The following MRPS12 variants were observed in gnomAD, a reference collection of about 807,000 sequenced individuals.
MRPS12 encodes mitochondrial ribosomal protein S12.
Under a neutral mutation model 8.4 loss-of-function variants are expected in MRPS12, and 7 were observed. The observed-to-expected ratio is 0.83, with a 90% CI of 0.47 to 1.56. MRPS12 has a LOEUF of 1.56. Ranked by LOEUF, MRPS12 falls within the 40% of genes most tolerant of loss-of-function variation. The probability of loss-of-function intolerance (pLI) is 0.01; values close to 1 mark genes in which losing one functional copy is unlikely to be tolerated. For synonymous variants in MRPS12, 84 were observed against 84.1 expected (o/e 1.00, Z 0.01); for missense variants, 200 against 194.1 (o/e 1.03, Z -0.18).
chr19:38,932,490 G>A lies in MRPS12; in HGVS notation c.207G>A (p.Lys69=). Residue 69 remains lysine (K), a synonymous_variant, in exon 3 of 3, where the codon AAG becomes AAA. Transcript: ENST00000308018. ...KGVVLCTFTR[K]PKKPNSANRK... ...TGGTCCTGTGCACGTTTACCCGCAA[G>A]CCGAAGAAGCCCAACTCAGCCAATC... The A allele has an allele frequency of 6.2e-7, 1 of 1,613,244 alleles. No homozygotes were observed. The highest frequency in any genetic ancestry group is 1.3e-5 in the African/African-American group (1 of 75,046).
In MRPS12 at chr19:38,932,530, G is replaced by A. The variant is rs1354676962; in HGVS notation, c.247G>A (p.Val83Met). 2.5e-6 allele frequency: 4 copies of A among 1,613,046 alleles called. No individual in the cohort carries two copies. In the South Asian group the frequency reaches 3.3e-5, roughly 13 times the overall value. The change falls in exon 3 of 3, where the codon GTG becomes ATG. Residue 83 changes from valine to methionine, a missense_variant. Physicochemically the swap from Val to Met is conservative, Grantham distance 21. Coordinates refer to ENST00000308018, the MANE Select transcript of MRPS12 (RefSeq NM_033362.4). Reference protein sequence around the residue: ...PNSANRKCCRVRLSTGREAVC... With the variant: ...PNSANRKCCRMRLSTGREAVC... ...CTCAGCCAATCGCAAGTGCTGTCGA[G>A]TGCGGCTCAGCACTGGCCGCGAGGC...
chr19:38,931,570 C>T (rs1435491963), intron 2 of MRPS12: 22 of 392,450 alleles, frequency 5.6e-5, no homozygotes, highest in Non-Finnish European at 4.6e-6. Context: ...TATTTAAGAT[C>T]TCCCTCTGTC....
rs1291581879 is a variant in MRPS12, at chr19:38,932,890, C to G, written c.*190C>G. On this transcript the variant is annotated 3_prime_UTR_variant, in exon 3 of 3. Coordinates refer to ENST00000308018, the MANE Select transcript of MRPS12 (RefSeq NM_033362.4). ...AGTCCTGGGGGTGCAAAGGGTGCCC[C>G]TCTGTCAACACCCTTGGCTCCTGTG... The G allele has an allele frequency of 1.3e-6, 1 of 778,938 alleles. No individual in the cohort carries two copies. Among genetic ancestry groups the G allele is most frequent in the Non-Finnish European group, 2.0e-6 (1 of 503,188 alleles). The allele number at this position is 778,938 out of a possible 1,614,324, so 48.3% of individuals were successfully genotyped here.
rs1974793363 is a variant in MRPS12 at position 38,933,149 on chromosome 19, C to T, written c.*449C>T. On this transcript the variant is annotated 3_prime_UTR_variant, in exon 3 of 3. Coordinates refer to ENST00000308018, the MANE Select transcript of MRPS12 (RefSeq NM_033362.4). ...GGTTTGGTGAAGATTAAATTCGATGCTCTATGTGCATAACACGCACGGAGG... is the reference window on the plus strand; with the variant it reads ...GGTTTGGTGAAGATTAAATTCGATGTTCTATGTGCATAACACGCACGGAGG... 1 of 163,288 alleles carries T rather than the reference C, an allele frequency of 6.1e-6. No homozygotes were observed. The highest frequency in any genetic ancestry group is 1.3e-5 in the Non-Finnish European group (1 of 74,336). 10.1% of individuals were successfully genotyped at this position (163,288 alleles called of 1,614,324 possible).
Position 38,930,956 on chromosome 19 carries a change from C to T in MRPS12, c.-62C>T. ...GATAGCGCCCGGAAGAGGCTAGAAGCTGGATTCAGCGTGTCCGCGACCTCA... is the reference window on the plus strand; with the variant it reads ...GATAGCGCCCGGAAGAGGCTAGAAGTTGGATTCAGCGTGTCCGCGACCTCA... On this transcript the variant is annotated 5_prime_UTR_variant, in exon 1 of 3. Transcript: ENST00000308018. 1 of 629,216 alleles carries T rather than the reference C, an allele frequency of 1.6e-6. No individual in the cohort carries two copies. The highest frequency in any genetic ancestry group is 2.8e-6 in the Non-Finnish European group (1 of 359,816). 39.0% of individuals were successfully genotyped at this position (629,216 alleles called of 1,614,324 possible). A position where few individuals can be genotyped will look rare whatever the true frequency, so the allele number is the denominator to read the frequency against.
At position 38,930,975 on chromosome 19, in the gene MRPS12, G is replaced by A. The variant is rs752903214; in HGVS notation, c.-43G>A. ...TAGAAGCTGGATTCAGCGTGTCCGC[G>A]ACCTCACCTTTAGGTCCTGTGAGGT... On this transcript the variant is annotated 5_prime_UTR_variant, in exon 1 of 3. Coordinates refer to ENST00000308018, the MANE Select transcript of MRPS12 (RefSeq NM_033362.4). The A allele has an allele frequency of 9.8e-6, 6 of 610,700 alleles. No individual in the cohort carries two copies. The highest frequency in any genetic ancestry group is 2.8e-5 in the East Asian group (1 of 36,140). 37.8% of individuals were successfully genotyped at this position (610,700 alleles called of 1,614,324 possible). A position where few individuals can be genotyped will look rare whatever the true frequency, so the allele number is the denominator to read the frequency against.
intron 1 of MRPS12, 56 bp from the exon 2 acceptor site, chr19:38,931,220 C>A: frequency 7.3e-7 from 1 of 1,366,516 alleles, no homozygotes; most frequent in East Asian, 2.4e-5. Flanking sequence ...GATCGGGGAG[C>A]ATTTGCGGAT....
chr19:38,932,151 A>G (rs1974764597), intron 2 of MRPS12, among the ~76,000 whole-genome samples, 182 bp from the exon 3 acceptor site: 2 of 151,004 alleles, frequency 1.3e-5, no homozygotes, highest in Admixed American at 6.6e-5. Context: ...AAAAAAAGAA[A>G]AAAAAAAAAA....
Position 38,932,642 on chromosome 19 carries a change from G to C in MRPS12, c.359G>C (p.Gly120Ala). The change falls in exon 3 of 3, where the codon GGC becomes GCC. Residue 120 changes from glycine to alanine, a missense_variant. Transcript: ENST00000308018. ...GGCGGCCGCACCCAGGACCTGCCAG[G>C]CGTCAAGCTCACCGTTGTGCGTGGC... ...VEGGRTQDLP[G>A]VKLTVVRGKY... 3.1e-6 allele frequency: 5 copies of C among 1,613,794 alleles called. No individual in the cohort carries two copies. The highest frequency in any genetic ancestry group is 4.2e-6 in the Non-Finnish European group (5 of 1,180,014).
At chr19:38,931,783 C>T (rs1268193054) in intron 2 of MRPS12, 2 of 158,922 alleles carry the variant, frequency 1.3e-5, no homozygotes, top group East Asian at 1.8e-4. Flanking sequence ...CTCAAGTGAC[C>T]CTCCACAGCC....
chr19:38,932,135 CAA>C (rs1291386606), intron 2 of MRPS12, among the ~76,000 whole-genome samples, 196 bp from the exon 3 acceptor site: 1 of 59,202 alleles, frequency 1.7e-5, no homozygotes. Flanking sequence ...GACTTTGTCT[CAA>C]AAAAAAAAAA....
intron 2 of MRPS12, among the ~76,000 whole-genome samples, 185 bp from the exon 3 acceptor site, chr19:38,932,148 G>GAA (rs369390554): frequency 9.0e-6 from 1 of 111,322 alleles, no homozygotes; most frequent in Non-Finnish European, 2.0e-5. Context: ...AAAAAAAAAA[G>GAA]AAAAAAAAAA....
rs762285606 is a variant in MRPS12, at chr19:38,932,370, C to T, written c.87C>T (p.Ser29=). 4.5e-6 allele frequency: 7 copies of T among 1,570,664 alleles called. No homozygotes were observed. The highest frequency in any genetic ancestry group is 5.2e-6 in the Non-Finnish European group (6 of 1,155,994). The change falls in exon 3 of 3, where the codon TCC becomes TCT. Residue 29 remains serine, a synonymous_variant. Coordinates refer to ENST00000308018, the MANE Select transcript of MRPS12 (RefSeq NM_033362.4). ...ALVPRLWATC[S]MATLNQMHRL... ...TTCCCCGGCTCTGGGCTACCTGCTC[C>T]ATGGCTACCCTGAACCAGATGCACC...
At chr19:38,931,663 TC>T (rs1974753192) in intron 2 of MRPS12, 3 of 222,348 alleles carry the variant, frequency 1.3e-5, no homozygotes, top group African/African-American at 4.6e-5. Flanking sequence ...CGCCTCAGCC[TC>T]CCAAGTAGCT....
Position 38,933,021 on chromosome 19 carries a change from T to G in MRPS12, c.*321T>G, listed in dbSNP as rs1974792010. 6.7e-6 allele frequency: 2 copies of G among 300,000 alleles called. No individual in the cohort carries two copies. Among genetic ancestry groups the G allele is most frequent in the Non-Finnish European group, 1.3e-5 (2 of 158,518 alleles). The allele number at this position is 300,000 out of a possible 1,614,324, so 18.6% of individuals were successfully genotyped here. A position where few individuals can be genotyped will look rare whatever the true frequency, so the allele number is the denominator to read the frequency against. On this transcript the variant is annotated 3_prime_UTR_variant, in exon 3 of 3. Coordinates refer to ENST00000308018, the MANE Select transcript of MRPS12 (RefSeq NM_033362.4). Reference sequence around the variant, plus strand: ...CAGACCCTGGCGCTTGTGATGTAAATCCCCTTGTGGAGTATTTGCCCTCTG... The same window carrying G: ...CAGACCCTGGCGCTTGTGATGTAAAGCCCCTTGTGGAGTATTTGCCCTCTG...
chr19:38,931,251 C>A, intron 1 of MRPS12, 25 bp from the exon 2 acceptor site: 1 of 1,545,518 alleles, frequency 6.5e-7, no homozygotes, highest in Non-Finnish European at 8.7e-7. Context: ...TTCCTCCTTT[C>A]TGAGTCTCTT....
chr19:38,932,739 A>G lies in MRPS12; in HGVS notation c.*39A>G, dbSNP rs1974786150. On this transcript the variant is annotated 3_prime_UTR_variant, in exon 3 of 3. Coordinates refer to ENST00000308018, the MANE Select transcript of MRPS12 (RefSeq NM_033362.4). ...AGTGGGCTGGGCGCCCCTGCAGAAC[A>G]TGAACCTTCCGCTCCTGGCTGCCAC... The G allele has an allele frequency of 2.5e-6, 4 of 1,595,046 alleles. No homozygotes were observed. The highest frequency in any genetic ancestry group is 1.3e-5 in the African/African-American group (1 of 74,688).
chr19:38,932,711 C>T lies in MRPS12; in HGVS notation c.*11C>T. 6.2e-7 allele frequency: 1 copy of T among 1,610,360 alleles called. No homozygotes were observed. The highest frequency in any genetic ancestry group is 8.5e-7 in the Non-Finnish European group (1 of 1,179,302). ...GTGCAGAAGAAGTGACGGCTGGGGG[C>T]ACAGTGGGCTGGGCGCCCCTGCAGA... On this transcript the variant is annotated 3_prime_UTR_variant, in exon 3 of 3. Transcript: ENST00000308018.
chr19:38,932,198 G>A, intron 2 of MRPS12, 135 bp from the exon 3 acceptor site: 1 of 676,690 alleles, frequency 1.5e-6, no homozygotes, highest in Non-Finnish European at 2.2e-6. Flanking sequence ...AGTTACTTTT[G>A]TCTGTAGATA....
Sources: gnomAD v4.1 joint callset for allele counts (sites outside exome capture counted in the v4.1 genomes callset) on GRCh38, gnomAD v4.1.1 for gene constraint, MANE v1.5 for transcripts, NCBI Gene and HGNC (gene_info 2026-07-23, HGNC 2026-07-21) for gene names.